The following TMEM116 variants were observed in gnomAD, a reference collection of about 807,000 sequenced individuals.
TMEM116 encodes the protein transmembrane protein 116.
Under a neutral mutation model 44.3 loss-of-function variants are expected in TMEM116, and 38 were observed. The ratio of observed to expected loss-of-function variants is 0.86; its 90% CI spans 0.66 to 1.12. TMEM116 has a LOEUF of 1.12. Ranked by LOEUF, TMEM116 falls within the 50% of genes most tolerant of loss-of-function variation. The pLI is 0.00. For missense variants in TMEM116, 354 were observed against 401.7 expected, an observed-to-expected ratio of 0.88 and a Z score of 1.01; for synonymous variants, 132 against 144.8, an observed-to-expected ratio of 0.91 and a Z score of 0.64.
At chr12:111,971,566 G>A (rs972101498) in intron 4 of TMEM116, among the ~76,000 whole-genome samples, 16 of 150,348 alleles carry the variant, frequency 1.1e-4, no homozygotes, top group East Asian at 1.9e-4. Context: ...ATAACAAAAT[G>A]TAGTAGATTA....
At chr12:112,000,333 C>T (rs2077182305) in intron 3 of TMEM116, among the ~76,000 whole-genome samples, 1 of 152,090 alleles carries the variant, frequency 6.6e-6, no homozygotes, top group African/African-American at 2.4e-5. Context: ...CACATCATGG[C>T]TAAGTCCCAA....
chr12:111,952,546 G>A (rs2073809602), intron 4 of TMEM116, among the ~76,000 whole-genome samples: 1 of 152,164 alleles, frequency 6.6e-6, no homozygotes, highest in Admixed American at 6.5e-5. Flanking sequence ...GTGTCTGTGA[G>A]GGTGTTGCCA....
At chr12:111,966,258 A>T (rs1186023571) in intron 4 of TMEM116, among the ~76,000 whole-genome samples, 2 of 152,090 alleles carry the variant, frequency 1.3e-5, no homozygotes, top group Non-Finnish European at 2.9e-5. Flanking sequence ...GTGAGCAGAG[A>T]TTGCACCACT....
intron 5 of TMEM116, among the ~76,000 whole-genome samples, chr12:111,940,554 CATAT>C (rs200593753): frequency 1.4e-4 from 17 of 119,832 alleles, no homozygotes; most frequent in Non-Finnish European, 1.9e-4. Context: ...TACACACACA[CATAT>C]ATATGTGTGT....
intron 4 of TMEM116, among the ~76,000 whole-genome samples, chr12:111,957,184 A>C (rs1843253843): frequency 6.6e-6 from 1 of 150,638 alleles, no homozygotes; most frequent in Admixed American, 6.6e-5. Context: ...GGAAGTGAGG[A>C]GTGTCTCTGC....
rs141949049 is a variant in TMEM116, at chr12:111,991,751, C to T, written c.210+7G>A. 1,035 of 1,533,962 alleles carry T rather than the reference C, an allele frequency of 6.7e-4. 6 individuals carry two copies. The African/African-American group carries it at 9.7e-3, about 14-fold the overall frequency. ...GCAAGGTGCAGTGACAGTCTTGTAG[C>T]ACTCACCTGTCCAACTGCTTGTAGG... On this transcript the variant is annotated splice_region_variant and intron_variant, in intron 4 of 10. Transcript: ENST00000552374.
chr12:111,995,357 C>A lies in TMEM116; in HGVS notation c.79-3468G>T, dbSNP rs182710070. 5.3e-5 allele frequency among the ~76,000 whole-genome samples: 8 copies of A among 152,140 alleles called. No individual in the cohort carries two copies. In the East Asian group the frequency reaches 1.5e-3, roughly 29 times the overall value. ...TTTCAATCAGTGGAAAAGAGACAGT[C>A]TTTTCAAAATATGAAGCTAGAACAA... On this transcript the variant is annotated intron_variant, in intron 3 of 10. Coordinates refer to ENST00000552374, the MANE Select transcript of TMEM116 (RefSeq NM_001193531.2).
At position 111,963,369 on chromosome 12, in the gene TMEM116, C is replaced by A. The variant is rs528959907; in HGVS notation, c.211-20000G>T. ...AATCATTCTACTATAAAGACATATG[C>A]CCATGTATGTTTATTGTGGCACTAT... On this transcript the variant is annotated intron_variant, in intron 4 of 10. Coordinates refer to ENST00000552374, the MANE Select transcript of TMEM116 (RefSeq NM_001193531.2). Among the ~76,000 whole-genome samples the A allele has an allele frequency of 3.9e-4, 59 of 152,276 alleles. 1 individual carries two copies. Among genetic ancestry groups the A allele is most frequent in the Non-Finnish European group, 7.4e-4 (50 of 68,026 alleles).
intron 4 of TMEM116, among the ~76,000 whole-genome samples, chr12:111,950,361 T>C (rs1565888469): frequency 6.6e-6 from 1 of 151,938 alleles, no homozygotes; most frequent in African/African-American, 2.4e-5. Flanking sequence ...GACTCTTGCC[T>C]CTTAATTTTT....
At chr12:111,986,850 A>C (rs528727639) in intron 4 of TMEM116, among the ~76,000 whole-genome samples, 32 of 152,286 alleles carry the variant, frequency 2.1e-4, no homozygotes, top group African/African-American at 7.5e-4. Context: ...GAACATCCAC[A>C]AGCACAAGAA....
chr12:111,934,006 A>G lies in TMEM116; in HGVS notation c.613T>C (p.Leu205=). Reference sequence around the variant, plus strand: ...GTTGACTTCACAAACTTCTTATACAATGTCTGGGCTCGGATAAGTAAGACC... The same window carrying G: ...GTTGACTTCACAAACTTCTTATACAGTGTCTGGGCTCGGATAAGTAAGACC... ...IMVLLIRAQT[L]YKKFVKSTGF... The change falls in exon 9 of 11, where the codon TTG becomes CTG. Residue 205 remains leucine (L), a synonymous_variant. Transcript: ENST00000552374. 1 of 1,614,106 alleles carries G rather than the reference A, an allele frequency of 6.2e-7. No individual in the cohort carries two copies. The highest frequency in any genetic ancestry group is 8.5e-7 in the Non-Finnish European group (1 of 1,180,004).
In TMEM116 at chr12:112,005,224, C is replaced by A. The variant is rs192976432; in HGVS notation, c.14+33G>T. On this transcript the variant is annotated intron_variant, in intron 2 of 10. Transcript: ENST00000552374. ...ACAGAATTGACGAACTTTGCTTATA[C>A]TAGTTTAGTTATATGAGATTAAATA... 18 of 1,362,158 alleles carry A rather than the reference C, an allele frequency of 1.3e-5. No individual in the cohort carries two copies. The Admixed American group carries it at 1.7e-4, about 13-fold the overall frequency. 84.4% of individuals were successfully genotyped at this position (1,362,158 alleles called of 1,614,324 possible). A position where few individuals can be genotyped will look rare whatever the true frequency, so the allele number is the denominator to read the frequency against.
At chr12:111,971,045 T>C (rs1593459752) in intron 4 of TMEM116, among the ~76,000 whole-genome samples, 1 of 152,204 alleles carries the variant, frequency 6.6e-6, no homozygotes, top group Admixed American at 6.5e-5. Flanking sequence ...ATACTGAACT[T>C]CTGTCAACCT....
chr12:112,000,428 T>A (rs1268625065), intron 3 of TMEM116, among the ~76,000 whole-genome samples: 1 of 152,190 alleles, frequency 6.6e-6, no homozygotes. Flanking sequence ...AACAGTCTTA[T>A]GCACTCTTTT....
At chr12:111,932,008 T>C (rs2071684662) in intron 10 of TMEM116, among the ~76,000 whole-genome samples, 181 bp from the exon 11 acceptor site, 1 of 152,204 alleles carries the variant, frequency 6.6e-6, no homozygotes, top group South Asian at 2.1e-4. Context: ...CACTACACTG[T>C]TACGGATGAC....
chr12:111,958,309 TAGG>T (rs1185383087), intron 4 of TMEM116, among the ~76,000 whole-genome samples: 5 of 46,850 alleles, frequency 1.1e-4, no homozygotes, highest in African/African-American at 3.8e-4. Flanking sequence ...AAAAAAAAAA[TAGG>T]AGGCCCACTC....
chr12:112,000,319 C>T (rs2077181409), intron 3 of TMEM116, among the ~76,000 whole-genome samples: 1 of 152,094 alleles, frequency 6.6e-6, no homozygotes, highest in Non-Finnish European at 1.5e-5. Flanking sequence ...TAGAGATAAG[C>T]ATTCACATCA....
chr12:111,968,572 T>C (rs2075117639), intron 4 of TMEM116, among the ~76,000 whole-genome samples: 1 of 152,206 alleles, frequency 6.6e-6, no homozygotes, highest in South Asian at 2.1e-4. Context: ...AGGAGAATAC[T>C]AAATCAACTG....
intron 4 of TMEM116, among the ~76,000 whole-genome samples, chr12:111,952,041 C>T (rs750975858): frequency 2.0e-5 from 3 of 151,930 alleles, no homozygotes; most frequent in Admixed American, 1.3e-4. Flanking sequence ...CCATGTTGGC[C>T]AACATGGTGA....
Sources: gnomAD v4.1 joint callset for allele counts (sites outside exome capture counted in the v4.1 genomes callset) on GRCh38, gnomAD v4.1.1 for gene constraint, MANE v1.5 for transcripts, NCBI Gene and HGNC (gene_info 2026-07-23, HGNC 2026-07-21) for gene names.